The following CFAP46 variants were observed in gnomAD, a reference collection of about 807,000 sequenced individuals.
The protein encoded by CFAP46 is cilia- and flagella-associated protein 46.
CFAP46 carries 245 observed loss-of-function variants against 325.7 expected under a neutral mutation model. The ratio of observed to expected loss-of-function variants is 0.75; its 90% confidence interval spans 0.68 to 0.84. The LOEUF is 0.84. CFAP46 is among the 40% of genes least tolerant of loss of function. The pLI, the probability that CFAP46 is intolerant of heterozygous loss-of-function variation, is 0.00. For synonymous variants in CFAP46, 1,523 were observed against 1,495.9 expected, an observed-to-expected ratio of 1.02 and a Z score of -0.42; for missense variants, 3,346 against 3,543.0, an observed-to-expected ratio of 0.94 and a Z score of 1.41.
rs549883211 is a variant in CFAP46, at chr10:132,869,783, G to A, written c.4512-411C>T. Among the ~76,000 whole-genome samples, 4 of 152,196 alleles carry A rather than the reference G, an allele frequency of 2.6e-5. No homozygotes were observed. The highest frequency in any genetic ancestry group is 1.9e-4 in the East Asian group (1 of 5,162). On this transcript the variant is annotated intron_variant, in intron 32 of 57. Coordinates refer to ENST00000368586, the MANE Select transcript of CFAP46 (RefSeq NM_001200049.3). This position sits in a 1 kb window ranked among gnomAD's most constrained non-coding sequence, Gnocchi z 6.2. ...CAGGAAGCATCCCTGTGCGGGCCCC[G>A]GTGGTCCCTCTTAGCCCCGTGACCA...
At chr10:132,825,881 G>C (rs192713820) in intron 50 of CFAP46, among the ~76,000 whole-genome samples, 1 of 152,292 alleles carries the variant, frequency 6.6e-6, no homozygotes, top group Non-Finnish European at 1.5e-5. Context: ...GGGCACACCA[G>C]GACATGCAGA....
chr10:132,929,355 G>A, intron 9 of CFAP46: 1 of 621,372 alleles, frequency 1.6e-6, no homozygotes, highest in East Asian at 2.7e-5. Context: ...GGGTAACGAG[G>A]CACTGCCGGT....
chr10:132,812,597 C>T (rs950268440), intron 55 of CFAP46, among the ~76,000 whole-genome samples, 188 bp downstream of exon 55: 2 of 148,630 alleles, frequency 1.3e-5, no homozygotes, highest in Non-Finnish European at 3.0e-5. Flanking sequence ...GCAGGGGGTG[C>T]AGGGGTGGGT....
At chr10:132,909,093 C>G in intron 21 of CFAP46, 44 bp downstream of exon 21, 1 of 1,420,970 alleles carries the variant, frequency 7.0e-7, no homozygotes, top group Non-Finnish European at 9.6e-7. Context: ...TCGGCGTCCT[C>G]GCCTCTTGGC....
chr10:132,891,603 G>C (rs999331024), intron 25 of CFAP46, among the ~76,000 whole-genome samples: 3 of 152,234 alleles, frequency 2.0e-5, no homozygotes, highest in Non-Finnish European at 4.4e-5. Context: ...TCCACATGCT[G>C]TGGAGAATGC....
intron 24 of CFAP46, 120 bp from the exon 25 acceptor site, chr10:132,892,537 C>T (rs911604573): frequency 1.1e-4 from 90 of 845,108 alleles, no homozygotes; most frequent in Admixed American, 2.6e-4. Context: ...TTGCTATTGC[C>T]ATAAGCAGCT....
intron 16 of CFAP46, among the ~76,000 whole-genome samples, chr10:132,917,072 A>C (rs1389720727): frequency 1.3e-5 from 2 of 152,252 alleles, no homozygotes. Context: ...CGGGGCGTGG[A>C]TGACCATGTG....
At chr10:132,928,615 G>A (rs991471946) in intron 9 of CFAP46, among the ~76,000 whole-genome samples, 1 of 152,188 alleles carries the variant, frequency 6.6e-6, no homozygotes, top group Non-Finnish European at 1.5e-5. Context: ...GTTGGTTTAC[G>A]TTCACTCTTA....
At chr10:132,927,560 C>T (rs1006863298) in intron 9 of CFAP46, among the ~76,000 whole-genome samples, 10 of 152,350 alleles carry the variant, frequency 6.6e-5, no homozygotes, top group African/African-American at 1.2e-4. Context: ...CTGTGTGCCC[C>T]GGCCTGTCCA....
rs984101681 is a variant in CFAP46 at position 132,889,523 on chromosome 10, C to T, written c.3304+2810G>A. Among the ~76,000 whole-genome samples the T allele has an allele frequency of 1.4e-4, 22 of 152,182 alleles. 1 individual carries two copies. The highest frequency in any genetic ancestry group is 5.2e-4 in the Admixed American group (8 of 15,286). On this transcript the variant is annotated intron_variant, in intron 25 of 57. Transcript: ENST00000368586. This position sits in a 1 kb window ranked among gnomAD's most constrained non-coding sequence, Gnocchi z 6.0. ...CTTCCTCCTGCTTGAATTCATTAAA[C>T]CAGGGTCCAATGAACTTGGAAACCA...
chr10:132,861,752 G>A (rs941287780), intron 35 of CFAP46, among the ~76,000 whole-genome samples: 10 of 152,210 alleles, frequency 6.6e-5, no homozygotes, highest in African/African-American at 2.4e-4. Flanking sequence ...GAAAGGCAGC[G>A]TCCTGTTCCC....
rs1010887170 is a variant in CFAP46, at chr10:132,919,590, C to A, written c.1731-148G>T. On this transcript the variant is annotated intron_variant, in intron 14 of 57. Coordinates refer to ENST00000368586, the MANE Select transcript of CFAP46 (RefSeq NM_001200049.3). The surrounding 1 kb of genome is among the most constrained non-coding windows in gnomAD (Gnocchi z 9.7). ...AGGAGCCCGGCACTCGCGCTGGGTA[C>A]GGCCTGGCGGGTGCATGTCCCAGGG... The A allele has an allele frequency of 5.5e-6, 6 of 1,086,912 alleles. No homozygotes were observed. Among genetic ancestry groups the A allele is most frequent in the South Asian group, 4.9e-5 (3 of 60,954 alleles). 67.3% of individuals were successfully genotyped at this position (1,086,912 alleles called of 1,614,324 possible). A position where few individuals can be genotyped will look rare whatever the true frequency, so the allele number is the denominator to read the frequency against.
intron 44 of CFAP46, among the ~76,000 whole-genome samples, 197 bp downstream of exon 44, chr10:132,845,860 C>A (rs1304895383): frequency 6.6e-6 from 1 of 152,206 alleles, no homozygotes; most frequent in Non-Finnish European, 1.5e-5. Context: ...GCCGTTACTA[C>A]CCCCACAAGG....
chr10:132,872,787 G>C lies in CFAP46; in HGVS notation c.4400C>G (p.Ala1467Gly). ...TTCGTGCAGGCACATCTTCTGCAGGGCCTTGACCAGGTGGTCCAGGAAATA... is the reference window on the plus strand; with the variant it reads ...TTCGTGCAGGCACATCTTCTGCAGGCCCTTGACCAGGTGGTCCAGGAAATA... ...SLYFLDHLVK[A>G]LQKMCLHELT... The change falls in exon 32 of 58, where the codon GCC becomes GGC. Residue 1467 changes from alanine (A) to glycine (G), a missense_variant. By Grantham distance (60) the Ala-to-Gly change is moderately conservative. Coordinates refer to ENST00000368586, the MANE Select transcript of CFAP46 (RefSeq NM_001200049.3). The C allele has an allele frequency of 6.4e-7, 1 of 1,551,100 alleles. No individual in the cohort carries two copies. Among genetic ancestry groups the C allele is most frequent in the Non-Finnish European group, 8.7e-7 (1 of 1,147,102 alleles).
At chr10:132,840,026 T>C (rs1848324215) in intron 44 of CFAP46, among the ~76,000 whole-genome samples, 1 of 151,034 alleles carries the variant, frequency 6.6e-6, no homozygotes, top group Non-Finnish European at 1.5e-5. Flanking sequence ...ATTTCTACTT[T>C]CTATGAGTTT....
At chr10:132,865,999 G>T in intron 35 of CFAP46, 26 bp downstream of exon 35, 7 of 1,476,722 alleles carry the variant, frequency 4.7e-6, no homozygotes, top group Non-Finnish European at 6.3e-6. Context: ...GCTGTGGATG[G>T]TGATGGGCTG....
intron 36 of CFAP46, 78 bp from the exon 37 acceptor site, chr10:132,860,601 G>C (rs1342291317): frequency 1.6e-6 from 2 of 1,251,246 alleles, no homozygotes; most frequent in Admixed American, 2.0e-5. Flanking sequence ...CGGGCGGGCA[G>C]GGACAGATAC....
At chr10:132,822,142 GTGC>G (rs1160941209) in intron 50 of CFAP46, among the ~76,000 whole-genome samples, 287 of 138,154 alleles carry the variant, frequency 2.1e-3, no homozygotes, top group South Asian at 4.7e-3. Context: ...TGCTGTGTGT[GTGC>G]TGATGTGTGC....
In CFAP46 at chr10:132,921,190, G is replaced by A. The variant is rs527784397; in HGVS notation, c.1606+914C>T. Among the ~76,000 whole-genome samples, 132 of 152,310 alleles carry A rather than the reference G, an allele frequency of 8.7e-4. 3 individuals are homozygous for A. In the South Asian group the frequency reaches 0.022, roughly 25 times the overall value. On this transcript the variant is annotated intron_variant, in intron 13 of 57. Coordinates refer to ENST00000368586, the MANE Select transcript of CFAP46 (RefSeq NM_001200049.3). ...CTGCAGTCTGGGTGACACCTGGTTC[G>A]TCGTGCTGGGTGAAAGCCGCCGGCT...
Sources: gnomAD v4.1 joint callset for allele counts (sites outside exome capture counted in the v4.1 genomes callset) on GRCh38, gnomAD v4.1.1 for gene constraint, Gnocchi (gnomAD v3.1) non-coding constraint, MANE v1.5 for transcripts, NCBI Gene and HGNC (gene_info 2026-07-23, HGNC 2026-07-21) for gene names.